The following CACNA1D variants were observed in gnomAD, a reference collection of about 807,000 sequenced individuals.
The protein encoded by CACNA1D is voltage-dependent L-type calcium channel subunit alpha-1D.
In CACNA1D, 55 loss-of-function variants were observed where a neutral mutation model predicts 257.1. That is an observed-to-expected ratio of 0.21 (90% CI 0.17 to 0.27). The LOEUF (loss-of-function observed/expected upper bound fraction) is 0.27, where lower values mean the gene tolerates loss of function less well. CACNA1D is among the 10% of genes least tolerant of loss of function. The pLI is 1.00. For missense variants in CACNA1D, 1,876 were observed against 2,784.0 expected (o/e 0.67, Z 7.34); for synonymous variants, 980 against 1,014.9 (o/e 0.97, Z 0.65).
chr3:53,538,141 G>GTTTTTT lies in CACNA1D; in HGVS notation c.483+36442_483+36447dup, dbSNP rs538996336. Reference sequence around the variant, plus strand: ...TTCTCCATATTTACCAGTTTTTGAAGTTTTTTTTTTTTTTTTTTTTTTTTT... The same window carrying GTTTTTT: ...TTCTCCATATTTACCAGTTTTTGAAGTTTTTTTTTTTTTTTTTTTTTTTTTTTTTTT... On this transcript the variant is annotated intron_variant, in intron 3 of 47. Coordinates refer to ENST00000350061, the MANE Select transcript of CACNA1D (RefSeq NM_001128840.3). 1.7e-4 allele frequency among the ~76,000 whole-genome samples: 15 copies of GTTTTTT among 90,466 alleles called. 2 individuals carry two copies. Among genetic ancestry groups the GTTTTTT allele is most frequent in the African/African-American group, 7.8e-4 (13 of 16,672 alleles). The allele number at this position is 90,466 out of a possible 152,430, so 59.3% of individuals were successfully genotyped here.
chr3:53,588,823 T>A (rs925083790), intron 3 of CACNA1D, among the ~76,000 whole-genome samples: 7 of 152,202 alleles, frequency 4.6e-5, no homozygotes, highest in African/African-American at 1.7e-4. Context: ...AGTTGAACTA[T>A]CAATAACTGT....
At chr3:53,547,607 G>GCA (rs1559822575) in intron 3 of CACNA1D, among the ~76,000 whole-genome samples, 4 of 152,258 alleles carry the variant, frequency 2.6e-5, no homozygotes, top group African/African-American at 9.6e-5. Context: ...GATGATGGAC[G>GCA]TTGCATTTGT....
chr3:53,654,075 C>CA (rs2094125250), intron 4 of CACNA1D, among the ~76,000 whole-genome samples: 1 of 152,116 alleles, frequency 6.6e-6, no homozygotes, highest in South Asian at 2.1e-4. Context: ...GAGTTAAAGT[C>CA]AAAATCAAAA....
Position 53,495,185 on chromosome 3 carries a change from A to C in CACNA1D, c.19A>C (p.Met7Leu). The change falls in exon 1 of 48, where the codon ATG becomes CTG. Residue 7 changes from methionine (M) to leucine (L), a missense_variant. Physicochemically the swap from Met to Leu is conservative, Grantham distance 15. Around this residue, in one of 10 missense-constraint regions of CACNA1D, gnomAD observed 143 missense variants for 168.7 expected, o/e 0.85. Transcript: ENST00000350061. This position sits in a 1 kb window ranked among gnomAD's most constrained non-coding sequence, Gnocchi z 5.1. MMMMMM[M>L]KKMQHQRQQQ... ...TTCGTGGATGATGATGATGATGATG[A>C]TGAAAAAAATGCAGCATCAACGGCA... 1 of 1,612,880 alleles carries C rather than the reference A, an allele frequency of 6.2e-7. No individual in the cohort carries two copies. Among genetic ancestry groups the C allele is most frequent in the Non-Finnish European group, 8.5e-7 (1 of 1,179,612 alleles).
chr3:53,727,018 A>G lies in CACNA1D; in HGVS notation c.2221+19A>G, dbSNP rs1452957006. 3 of 1,613,852 alleles carry G rather than the reference A, an allele frequency of 1.9e-6. No homozygotes were observed. In the African/African-American group the frequency reaches 4.0e-5, roughly 22 times the overall value. On this transcript the variant is annotated intron_variant, in intron 15 of 47. Coordinates refer to ENST00000350061, the MANE Select transcript of CACNA1D (RefSeq NM_001128840.3). ...GGTAACTGTATCCTTCAAGCCGACC[A>G]GGCTTTGTTGTTGCCGTCGTTATCT...
chr3:53,578,346 G>A (rs1379738184), intron 3 of CACNA1D, among the ~76,000 whole-genome samples: 2 of 152,040 alleles, frequency 1.3e-5, no homozygotes, highest in Admixed American at 6.5e-5. Flanking sequence ...GGGGTGGAAG[G>A]AGGAGTGGCC....
chr3:53,705,644 C>T (rs1055355980), intron 9 of CACNA1D, among the ~76,000 whole-genome samples: 8 of 152,164 alleles, frequency 5.3e-5, no homozygotes, highest in Non-Finnish European at 8.8e-5. Context: ...CCCGAGTCAT[C>T]AGATTTCCAG....
chr3:53,685,641 T>A (rs1217900404), intron 8 of CACNA1D, among the ~76,000 whole-genome samples: 1 of 152,154 alleles, frequency 6.6e-6, no homozygotes, highest in Admixed American at 6.5e-5. Flanking sequence ...GGCAGTAGAT[T>A]TAAAACAGAA....
In CACNA1D at chr3:53,770,404, T is replaced by C. The variant is rs2109002765; in HGVS notation, c.3916-20T>C. On this transcript the variant is annotated intron_variant, in intron 31 of 47. Transcript: ENST00000350061. ...GTTCTACTTTCCATTGGGTTTGACC[T>C]CTCCATGATAACCCTTCAGAACTCT... 1.2e-6 allele frequency: 2 copies of C among 1,613,042 alleles called. No homozygotes were observed. Among genetic ancestry groups the C allele is most frequent in the East Asian group, 2.2e-5 (1 of 44,880 alleles).
At chr3:53,794,139 C>T (rs923963838) in intron 40 of CACNA1D, among the ~76,000 whole-genome samples, 1 of 152,148 alleles carries the variant, frequency 6.6e-6, no homozygotes, top group Non-Finnish European at 1.5e-5. Flanking sequence ...TAATTATGTT[C>T]AGGAGTCTTT....
intron 25 of CACNA1D, among the ~76,000 whole-genome samples, chr3:53,746,154 G>A (rs2108845354): frequency 6.6e-6 from 1 of 152,232 alleles, no homozygotes; most frequent in East Asian, 1.9e-4. Flanking sequence ...CAAAAGAATG[G>A]CTAGATGGCT....
chr3:53,752,147 C>T (rs919510927), intron 28 of CACNA1D, among the ~76,000 whole-genome samples: 2 of 152,174 alleles, frequency 1.3e-5, no homozygotes. Flanking sequence ...TCCATGGAGC[C>T]TGGCATTGGT....
intron 3 of CACNA1D, among the ~76,000 whole-genome samples, chr3:53,543,467 C>G (rs1485114609): frequency 6.6e-6 from 1 of 152,178 alleles, no homozygotes; most frequent in Non-Finnish European, 1.5e-5. Context: ...GTGTGGGAAT[C>G]TATTGGTATT....
At chr3:53,532,587 T>C (rs2091983911) in intron 3 of CACNA1D, among the ~76,000 whole-genome samples, 1 of 152,260 alleles carries the variant, frequency 6.6e-6, no homozygotes, top group African/African-American at 2.4e-5. Context: ...AACTTTATCA[T>C]GTCTCTTGAT....
At chr3:53,582,149 G>C (rs1201168614) in intron 3 of CACNA1D, among the ~76,000 whole-genome samples, 1 of 151,906 alleles carries the variant, frequency 6.6e-6, no homozygotes, top group African/African-American at 2.4e-5. Flanking sequence ...CGAGCATCGT[G>C]AAAAGAAGTC....
intron 3 of CACNA1D, among the ~76,000 whole-genome samples, chr3:53,632,036 C>T (rs1260059990): frequency 6.6e-6 from 1 of 152,230 alleles, no homozygotes. Flanking sequence ...TCACCAGCTG[C>T]ATTAGCCCCT....
At chr3:53,659,273 A>G (rs1289824726) in intron 4 of CACNA1D, among the ~76,000 whole-genome samples, 1 of 152,226 alleles carries the variant, frequency 6.6e-6, no homozygotes, top group Non-Finnish European at 1.5e-5. Context: ...GCCAGGTACA[A>G]TATTATTCAC....
chr3:53,665,204 A>G (rs1279617140), intron 5 of CACNA1D, among the ~76,000 whole-genome samples: 1 of 152,218 alleles, frequency 6.6e-6, no homozygotes, highest in Non-Finnish European at 1.5e-5. Flanking sequence ...TGGGATATTT[A>G]TATAGCATCT....
intron 3 of CACNA1D, among the ~76,000 whole-genome samples, chr3:53,647,532 C>T (rs2094035128): frequency 1.3e-5 from 2 of 152,194 alleles, no homozygotes; most frequent in African/African-American, 2.4e-5. Flanking sequence ...CACCTCTCAC[C>T]TAGCTGTTTT....
Sources: gnomAD v4.1 joint callset for allele counts (sites outside exome capture counted in the v4.1 genomes callset) on GRCh38, gnomAD v4.1.1 for gene constraint, gnomAD v4.1.1 regional missense constraint, Gnocchi (gnomAD v3.1) non-coding constraint, MANE v1.5 for transcripts, NCBI Gene and HGNC (gene_info 2026-07-23, HGNC 2026-07-21) for gene names.